ZNF804B: variants seen among roughly 807,000 people sequenced by gnomAD.
The protein encoded by ZNF804B is zinc finger 804B.
ZNF804B carries 80 observed loss-of-function variants against 101.4 expected under a neutral mutation model. The observed-to-expected ratio is 0.79, with a 90% CI of 0.66 to 0.95. The LOEUF is 0.95. Ranked by LOEUF, ZNF804B falls within the 40% of genes least tolerant of loss-of-function variation. ZNF804B has a pLI of 0.00. For missense variants in ZNF804B, 1,673 were observed against 1,561.9 expected (o/e 1.07, Z -1.20); for synonymous variants, 622 against 558.8 (o/e 1.11, Z -1.59).
intron 1 of ZNF804B, among the ~76,000 whole-genome samples, chr7:88,761,651 G>A (rs1452305068): frequency 1.3e-5 from 2 of 152,044 alleles, no homozygotes; most frequent in African/African-American, 4.8e-5. Context: ...ATTTTTCAAC[G>A]CTTTGGTAAT....
intron 1 of ZNF804B, among the ~76,000 whole-genome samples, chr7:88,919,987 G>A (rs371904247): frequency 3.9e-5 from 6 of 152,018 alleles, no homozygotes; most frequent in Admixed American, 1.3e-4. Context: ...TGCATATTAC[G>A]AGGGAGGCTT....
At chr7:89,286,080 T>TAGGCAGGAGGA (rs1790191917) in intron 2 of ZNF804B, among the ~76,000 whole-genome samples, 2 of 152,194 alleles carry the variant, frequency 1.3e-5, no homozygotes, top group South Asian at 4.1e-4. Flanking sequence ...ATTTCTAAAG[T>TAGGCAGGAGGA]TCTTTTGATG....
chr7:89,113,439 T>C lies in ZNF804B; in HGVS notation c.109-104716T>C, dbSNP rs369401382. On this transcript the variant is annotated intron_variant, in intron 1 of 3. Transcript: ENST00000333190. ...ACCAAATTTCATGGACATGAAATAA[T>C]GGAGACACAAGTATGAATAACTCTT... Among the ~76,000 whole-genome samples, 14 of 152,178 alleles carry C rather than the reference T, an allele frequency of 9.2e-5. No homozygotes were observed. In the East Asian group the frequency reaches 1.2e-3, roughly 13 times the overall value.
intron 1 of ZNF804B, among the ~76,000 whole-genome samples, chr7:88,975,743 G>A (rs1225575111): frequency 6.6e-6 from 1 of 151,510 alleles, no homozygotes; most frequent in Non-Finnish European, 1.5e-5. Flanking sequence ...TTTGTTGATT[G>A]TTTCCTTTGC....
At chr7:89,094,367 C>T (rs1202759176) in intron 1 of ZNF804B, among the ~76,000 whole-genome samples, 5 of 151,992 alleles carry the variant, frequency 3.3e-5, no homozygotes, top group Non-Finnish European at 7.4e-5. Context: ...TTAAAATATG[C>T]CATATCAGGA....
At chr7:89,255,122 T>C (rs1013873024) in intron 2 of ZNF804B, among the ~76,000 whole-genome samples, 9 of 152,114 alleles carry the variant, frequency 5.9e-5, no homozygotes, top group Non-Finnish European at 7.4e-5. Context: ...CTTACAGTCA[T>C]GGAGGAAGGA....
intron 2 of ZNF804B, among the ~76,000 whole-genome samples, chr7:89,253,139 C>T (rs1049187439): frequency 3.3e-5 from 5 of 151,978 alleles, no homozygotes; most frequent in African/African-American, 1.2e-4. Context: ...TAAGGTAATA[C>T]TTATAGGTAT....
At chr7:88,804,017 GTTGGTGGTTGAGGTAAAAT>G (rs1247806142) in intron 1 of ZNF804B, among the ~76,000 whole-genome samples, 1 of 152,096 alleles carries the variant, frequency 6.6e-6, no homozygotes, top group East Asian at 1.9e-4. Flanking sequence ...ACGTTTAAAA[GTTGGTGGTTGAGGTAAAAT>G]TCTAAACAAA....
At chr7:89,138,551 A>G (rs1017693730) in intron 1 of ZNF804B, among the ~76,000 whole-genome samples, 5 of 152,062 alleles carry the variant, frequency 3.3e-5, no homozygotes, top group African/African-American at 1.2e-4. Flanking sequence ...AAATGAGTTA[A>G]GACTTTGGGG....
intron 2 of ZNF804B, among the ~76,000 whole-genome samples, chr7:89,298,216 GTATATATATATATATATA>G (rs1171165341): frequency 6.9e-4 from 19 of 27,524 alleles, no homozygotes; most frequent in East Asian, 2.0e-3. Flanking sequence ...GTGTGTGTGT[GTATATATATATATATATA>G]TATATATATA....
chr7:88,856,332 A>G (rs1791558759), intron 1 of ZNF804B, among the ~76,000 whole-genome samples: 1 of 152,096 alleles, frequency 6.6e-6, no homozygotes, highest in South Asian at 2.1e-4. Flanking sequence ...ATCCCTTGTA[A>G]GTTGTATTCA....
chr7:88,769,240 G>T (rs1790028371), intron 1 of ZNF804B, among the ~76,000 whole-genome samples: 1 of 152,022 alleles, frequency 6.6e-6, no homozygotes, highest in Non-Finnish European at 1.5e-5. Context: ...TTGTCCTGGT[G>T]GTAGGTCCAC....
intron 1 of ZNF804B, among the ~76,000 whole-genome samples, chr7:88,958,942 A>G (rs796075271): frequency 7.9e-5 from 12 of 151,576 alleles, no homozygotes; most frequent in African/African-American, 2.4e-4. Flanking sequence ...AATCTCCGAA[A>G]GTGGAATCTT....
chr7:89,184,885 T>C (rs561435342), intron 1 of ZNF804B, among the ~76,000 whole-genome samples: 1 of 152,148 alleles, frequency 6.6e-6, no homozygotes, highest in Admixed American at 6.6e-5. Context: ...CTAGACAGAA[T>C]ATTTGACTGT....
At chr7:88,993,097 T>C (rs977694027) in intron 1 of ZNF804B, among the ~76,000 whole-genome samples, 10 of 152,026 alleles carry the variant, frequency 6.6e-5, no homozygotes, top group African/African-American at 2.4e-4. Flanking sequence ...AAATATTTAC[T>C]TTTTTGGTAT....
chr7:89,016,317 G>C (rs1360352479), intron 1 of ZNF804B, among the ~76,000 whole-genome samples: 1 of 151,824 alleles, frequency 6.6e-6, no homozygotes, highest in African/African-American at 2.4e-5. Context: ...AGTTTCTTTT[G>C]CTGTGCAGAA....
intron 1 of ZNF804B, among the ~76,000 whole-genome samples, chr7:89,150,753 A>G (rs1283159087): frequency 6.6e-6 from 1 of 152,078 alleles, no homozygotes; most frequent in Non-Finnish European, 1.5e-5. Flanking sequence ...AAAAAGTCCA[A>G]ATGAAGAGTG....
Position 88,894,569 on chromosome 7 carries a change from A to G in ZNF804B, c.108+134485A>G, listed in dbSNP as rs373428602. Among the ~76,000 whole-genome samples, 37 of 152,312 alleles carry G rather than the reference A, an allele frequency of 2.4e-4. 2 individuals carry two copies. The Middle Eastern group carries it at 0.027, about 112-fold the overall frequency. On this transcript the variant is annotated intron_variant, in intron 1 of 3. Coordinates refer to ENST00000333190, the MANE Select transcript of ZNF804B (RefSeq NM_181646.5). ...TGAAAATCCTAAGAAAAACCATCAGATAACAATTTTATTTATCAAAGAATG... is the reference window on the plus strand; with the variant it reads ...TGAAAATCCTAAGAAAAACCATCAGGTAACAATTTTATTTATCAAAGAATG...
chr7:89,035,968 A>G (rs1244543089), intron 1 of ZNF804B, among the ~76,000 whole-genome samples: 1 of 145,176 alleles, frequency 6.9e-6, no homozygotes, highest in Non-Finnish European at 1.5e-5. Flanking sequence ...TACAATACAT[A>G]TTATATATTG....
Sources: gnomAD v4.1 joint callset for allele counts (sites outside exome capture counted in the v4.1 genomes callset) on GRCh38, gnomAD v4.1.1 for gene constraint, MANE v1.5 for transcripts, NCBI Gene and HGNC (gene_info 2026-07-23, HGNC 2026-07-21) for gene names.